Variants in HBS1L observed in about 807,000 individuals in gnomAD.
HBS1L encodes the protein HBS1 like translational GTPase.
Under a neutral mutation model 88.9 loss-of-function variants are expected in HBS1L, and 55 were observed. The observed-to-expected ratio is 0.62, with a 90% CI of 0.50 to 0.77. The LOEUF (loss-of-function observed/expected upper bound fraction) is 0.77. Ranked by LOEUF, HBS1L falls within the 30% of genes least tolerant of loss-of-function variation. The pLI is 0.00. For synonymous variants in HBS1L, 267 were observed against 288.5 expected (o/e 0.93, Z 0.76); for missense variants, 741 against 829.3 (o/e 0.89, Z 1.31).
chr6:135,047,109 A>G (rs896658050), intron 2 of HBS1L, among the ~76,000 whole-genome samples: 1 of 152,168 alleles, frequency 6.6e-6, no homozygotes, highest in African/African-American at 2.4e-5. Flanking sequence ...CTGAATACAA[A>G]CCACAGGTAA....
At chr6:134,973,678 G>A (rs1774558719) in intron 15 of HBS1L, among the ~76,000 whole-genome samples, 1 of 152,076 alleles carries the variant, frequency 6.6e-6, no homozygotes, top group Non-Finnish European at 1.5e-5. Flanking sequence ...TTAGCCAGGC[G>A]TGGTAGTGCA....
At position 135,037,488 on chromosome 6, in the gene HBS1L, A is replaced by G. The variant is rs554581067; in HGVS notation, c.430+2085T>C. ...TTTCCAACGAGCTAGTTAAGTACAA[A>G]GGATTATTTGAACTTCCTAAACTGT... On this transcript the variant is annotated intron_variant, in intron 4 of 17. Transcript: ENST00000367837. 1.2e-5 allele frequency: 18 copies of G among 1,549,402 alleles called. No homozygotes were observed. In the South Asian group the frequency reaches 2.1e-4, roughly 18 times the overall value.
At chr6:135,012,952 T>A (rs1254651444) in intron 4 of HBS1L, among the ~76,000 whole-genome samples, 1 of 152,176 alleles carries the variant, frequency 6.6e-6, no homozygotes, top group Non-Finnish European at 1.5e-5. Flanking sequence ...ACCAACAGAA[T>A]AAAGCACATA....
At chr6:135,005,760 G>A (rs1423661853) in intron 4 of HBS1L, among the ~76,000 whole-genome samples, 1 of 152,188 alleles carries the variant, frequency 6.6e-6, no homozygotes, top group African/African-American at 2.4e-5. Context: ...ACTGAGCTGA[G>A]ACGGGAGAAA....
intron 15 of HBS1L, 146 bp from the exon 16 acceptor site, chr6:134,969,484 C>T: frequency 4.9e-6 from 3 of 614,082 alleles, no homozygotes; most frequent in Admixed American, 2.8e-5. Context: ...AGTCCCACCA[C>T]TCTAATCAGG....
intron 12 of HBS1L, among the ~76,000 whole-genome samples, chr6:134,984,728 T>C (rs1357327668): frequency 6.6e-6 from 1 of 152,198 alleles, no homozygotes; most frequent in Non-Finnish European, 1.5e-5. Flanking sequence ...TATTCTTAGG[T>C]ATTTAATATA....
chr6:134,975,999 C>T (rs1774632684), intron 15 of HBS1L, among the ~76,000 whole-genome samples: 1 of 152,002 alleles, frequency 6.6e-6, no homozygotes, highest in Admixed American at 6.6e-5. Context: ...AAAATATTTG[C>T]AAACTATGCA....
chr6:135,008,113 A>C (rs1467120362), intron 4 of HBS1L, among the ~76,000 whole-genome samples: 1 of 152,232 alleles, frequency 6.6e-6, no homozygotes, highest in Non-Finnish European at 1.5e-5. Flanking sequence ...AAAGATTATT[A>C]ATGTCCTCCC....
intron 4 of HBS1L, among the ~76,000 whole-genome samples, chr6:135,018,378 A>G (rs1775981354): frequency 6.6e-6 from 1 of 152,030 alleles, no homozygotes; most frequent in Non-Finnish European, 1.5e-5. Flanking sequence ...ATTATAAAGC[A>G]TCCAGCCTCC....
chr6:134,966,236 A>T, intron 17 of HBS1L, 93 bp downstream of exon 17: 1 of 1,141,878 alleles, frequency 8.8e-7, no homozygotes, highest in Admixed American at 2.4e-5. Flanking sequence ...TTTTTCTTTC[A>T]TTCCCTCAAT....
At chr6:135,019,797 T>A (rs1434244819) in intron 4 of HBS1L, among the ~76,000 whole-genome samples, 2 of 151,866 alleles carry the variant, frequency 1.3e-5, no homozygotes, top group Non-Finnish European at 3.0e-5. Flanking sequence ...CAAGATGGCT[T>A]AAGAAGACTT....
chr6:134,962,231 T>C lies in HBS1L; in HGVS notation c.*3048A>G, dbSNP rs1157902760. The C allele has an allele frequency of 6.8e-6, 1 of 146,564 alleles. No homozygotes were observed. The highest frequency in any genetic ancestry group is 1.5e-5 in the Non-Finnish European group (1 of 66,510). The allele number at this position is 146,564 out of a possible 1,614,324, so 9.1% of individuals were successfully genotyped here. A position where few individuals can be genotyped will look rare whatever the true frequency, so the allele number is the denominator to read the frequency against. ...TATATATCAGGATCTGTAATTGTTA[T>C]TTTTATATCAATAAAAAAAACCTCT... is the stretch of plus-strand genomic sequence containing the variant. On this transcript the variant is annotated 3_prime_UTR_variant, in exon 18 of 18. Transcript: ENST00000367837.
intron 4 of HBS1L, among the ~76,000 whole-genome samples, chr6:135,025,985 G>C (rs2114867516): frequency 6.6e-6 from 1 of 152,302 alleles, no homozygotes; most frequent in African/African-American, 2.4e-5. Flanking sequence ...AATCGAGGTA[G>C]CTAGTTAGCA....
Position 134,965,286 on chromosome 6 carries a change from T to G in HBS1L, c.2048A>C (p.Lys683Thr). 1 of 1,566,664 alleles carries G rather than the reference T, an allele frequency of 6.4e-7. No individual in the cohort carries two copies. Among genetic ancestry groups the G allele is most frequent in the Non-Finnish European group, 8.7e-7 (1 of 1,145,180 alleles). The change falls in exon 18 of 18, where the codon AAA becomes ACA. Residue 683 changes from lysine to threonine, a missense_variant. By Grantham distance (78) the Lys-to-Thr change is moderately conservative. Around this residue, in one of 3 missense-constraint regions of HBS1L, gnomAD observed 181 missense variants for 212.7 expected, o/e 0.85. Transcript: ENST00000367837. ...GGTAGAAATTCTGACCCATCATTCT[T>G]TTATCTGTTAAAACAAAAAAAAAAA... ...TIAAGVVTEI[K>T]E
At chr6:134,994,110 A>G (rs1278998543) in intron 7 of HBS1L, among the ~76,000 whole-genome samples, 1 of 152,150 alleles carries the variant, frequency 6.6e-6, no homozygotes, top group Non-Finnish European at 1.5e-5. Flanking sequence ...AATAAAAATG[A>G]TAGTTATGCC....
At chr6:134,990,009 C>A (rs190653628) in intron 8 of HBS1L, among the ~76,000 whole-genome samples, 21 of 152,264 alleles carry the variant, frequency 1.4e-4, no homozygotes, top group East Asian at 9.6e-4. Flanking sequence ...AACATCCAGA[C>A]CAGAACTTCC....
intron 4 of HBS1L, among the ~76,000 whole-genome samples, chr6:135,018,857 ACT>A (rs905236098): frequency 6.6e-6 from 1 of 151,592 alleles, no homozygotes; most frequent in African/African-American, 2.4e-5. Context: ...TTTATCCCAA[ACT>A]CTCTCTGAGA....
intron 4 of HBS1L, among the ~76,000 whole-genome samples, chr6:135,013,275 C>T (rs1775823970): frequency 6.6e-6 from 1 of 152,212 alleles, no homozygotes; most frequent in Admixed American, 6.5e-5. Context: ...AGCACACAGT[C>T]CGTGGGTCTC....
chr6:134,986,147 T>C lies in HBS1L; in HGVS notation c.1342A>G (p.Ser448Gly). The change falls in exon 11 of 18, where the codon AGT becomes GGT. Residue 448 changes from serine (S) to glycine (G), a missense_variant. Around this residue, in one of 3 missense-constraint regions of HBS1L, gnomAD observed 556 missense variants for 598.4 expected, o/e 0.93. Transcript: ENST00000367837. ...GATCTTGTGATTAGATTTTCACCACTGAGACCACTTGTAGGAATAAAACCT... is the reference window on the plus strand; with the variant it reads ...GATCTTGTGATTAGATTTTCACCACCGAGACCACTTGTAGGAATAAAACCT... ...DVGFIPTSGL[S>G]GENLITRSQS... 6.3e-7 allele frequency: 1 copy of C among 1,593,636 alleles called. No homozygotes were observed. The highest frequency in any genetic ancestry group is 8.6e-7 in the Non-Finnish European group (1 of 1,162,210).
Sources: gnomAD v4.1 joint callset for allele counts (sites outside exome capture counted in the v4.1 genomes callset) on GRCh38, gnomAD v4.1.1 for gene constraint, gnomAD v4.1.1 regional missense constraint, MANE v1.5 for transcripts, NCBI Gene and HGNC (gene_info 2026-07-23, HGNC 2026-07-21) for gene names.